The following GRM7 variants were observed in gnomAD, a reference collection of about 807,000 sequenced individuals.
The protein encoded by GRM7 is glutamate metabotropic receptor 7.
In GRM7, 35 loss-of-function variants were observed where a neutral mutation model predicts 84.5. The observed-to-expected ratio is 0.41, with a 90% CI of 0.32 to 0.55. GRM7 has a LOEUF of 0.55. Among genes scored for constraint, GRM7 ranks in the 20% least tolerant of loss-of-function variants. The pLI is 0.19. For synonymous variants in GRM7, 487 were observed against 455.1 expected (o/e 1.07, Z -0.89); for missense variants, 1,003 against 1,194.6 (o/e 0.84, Z 2.36).
At chr3:7,064,645 T>G (rs548795139) in intron 1 of GRM7, among the ~76,000 whole-genome samples, 4 of 151,140 alleles carry the variant, frequency 2.6e-5, no homozygotes, top group African/African-American at 9.7e-5. Context: ...TGAATTGTGC[T>G]GCTATAAACA....
chr3:7,578,038 G>A (rs1247724779), intron 7 of GRM7, among the ~76,000 whole-genome samples: 3 of 152,144 alleles, frequency 2.0e-5, no homozygotes, highest in African/African-American at 4.8e-5. Flanking sequence ...ATTACCCGGG[G>A]GGAAGACAGT....
chr3:7,130,968 C>A (rs79720950), intron 1 of GRM7, among the ~76,000 whole-genome samples: 1 of 152,110 alleles, frequency 6.6e-6, no homozygotes, highest in African/African-American at 2.4e-5. Flanking sequence ...CACGCACACA[C>A]GTGCGCAAGG....
chr3:6,885,147 G>A (rs62235361), intron 1 of GRM7, among the ~76,000 whole-genome samples: 11,926 of 152,196 alleles, frequency 0.078, 638 homozygotes, highest in Non-Finnish European at 0.12. Context: ...TAGCCCGAGA[G>A]GGTTCTTAGC....
At chr3:7,568,606 G>A (rs140444865) in intron 7 of GRM7, among the ~76,000 whole-genome samples, 7,315 of 152,290 alleles carry the variant, frequency 0.048, 243 homozygotes, top group Non-Finnish European at 0.077. Flanking sequence ...AGGGAGAGGC[G>A]CAAGCGGGAA....
At chr3:7,137,774 C>T (rs1693817384) in intron 1 of GRM7, among the ~76,000 whole-genome samples, 1 of 151,954 alleles carries the variant, frequency 6.6e-6, no homozygotes, top group Non-Finnish European at 1.5e-5. Flanking sequence ...GAAAAACCCA[C>T]ATAATGTCTT....
chr3:7,016,806 C>T (rs948884991), intron 1 of GRM7, among the ~76,000 whole-genome samples: 1 of 152,132 alleles, frequency 6.6e-6, no homozygotes, highest in African/African-American at 2.4e-5. Flanking sequence ...GTTTTAGAGA[C>T]AAAGAAACTG....
intron 4 of GRM7, among the ~76,000 whole-genome samples, chr3:7,400,117 A>T (rs569011464): frequency 1.3e-5 from 2 of 152,296 alleles, no homozygotes; most frequent in African/African-American, 4.8e-5. Flanking sequence ...ATAGGCTTTG[A>T]AGTAAACAGA....
At chr3:7,550,426 C>A (rs562917290) in intron 7 of GRM7, among the ~76,000 whole-genome samples, 119 of 145,908 alleles carry the variant, frequency 8.2e-4, no homozygotes, top group African/African-American at 2.9e-3. Flanking sequence ...CCCTCCCTCC[C>A]TCCCTCCCTT....
chr3:7,514,161 T>TGATTTTTATATCC (rs1211183772), intron 7 of GRM7, among the ~76,000 whole-genome samples: 1 of 152,250 alleles, frequency 6.6e-6, no homozygotes, highest in East Asian at 1.9e-4. Flanking sequence ...ACTACTAGTA[T>TGATTTTTATATCC]GATTTTTATA....
At chr3:7,467,787 T>G (rs1486591938) in intron 7 of GRM7, among the ~76,000 whole-genome samples, 4 of 152,130 alleles carry the variant, frequency 2.6e-5, no homozygotes, top group Non-Finnish European at 4.4e-5. Flanking sequence ...ACAATCTTAT[T>G]CACCATAGTA....
chr3:7,613,691 T>C (rs1353880417), intron 8 of GRM7, among the ~76,000 whole-genome samples: 1 of 152,152 alleles, frequency 6.6e-6, no homozygotes, highest in Non-Finnish European at 1.5e-5. Context: ...CTTAATTTCC[T>C]CTCTAAGGCC....
At chr3:7,719,158 T>C (rs1701858513) in intron 9 of GRM7, among the ~76,000 whole-genome samples, 1 of 152,086 alleles carries the variant, frequency 6.6e-6, no homozygotes, top group African/African-American at 2.4e-5. Context: ...AAATACAGTG[T>C]TTTTCTCCCT....
At chr3:7,596,015 G>A (rs143001450) in intron 8 of GRM7, among the ~76,000 whole-genome samples, 213 of 152,328 alleles carry the variant, frequency 1.4e-3, no homozygotes, top group Non-Finnish European at 2.7e-3. Flanking sequence ...GAAGCAGGAA[G>A]ATAAGCCAGG....
chr3:7,282,633 A>T (rs540532819), intron 2 of GRM7, among the ~76,000 whole-genome samples: 6 of 152,228 alleles, frequency 3.9e-5, no homozygotes, highest in Non-Finnish European at 7.3e-5. Flanking sequence ...AGTGGGCATC[A>T]TTAGGGTGCC....
chr3:7,553,738 CA>C (rs1405809884), intron 7 of GRM7, among the ~76,000 whole-genome samples: 1 of 152,160 alleles, frequency 6.6e-6, no homozygotes, highest in Non-Finnish European at 1.5e-5. Flanking sequence ...TGGGGGAAAT[CA>C]CCCTCTGATT....
chr3:6,953,636 C>G (rs1419042161), intron 1 of GRM7, among the ~76,000 whole-genome samples: 1 of 152,174 alleles, frequency 6.6e-6, no homozygotes, highest in Non-Finnish European at 1.5e-5. Flanking sequence ...AGCACAATCC[C>G]CACATTTGTA....
intron 1 of GRM7, among the ~76,000 whole-genome samples, chr3:7,062,725 T>C (rs756287008): frequency 6.6e-6 from 1 of 151,700 alleles, no homozygotes; most frequent in Admixed American, 6.6e-5. Flanking sequence ...TGTTAATTCA[T>C]GCAAAAATGG....
chr3:7,340,385 C>A (rs1051973390), intron 4 of GRM7, among the ~76,000 whole-genome samples: 1 of 152,124 alleles, frequency 6.6e-6, no homozygotes, highest in Admixed American at 6.6e-5. Context: ...GAAGCAGACA[C>A]ATCTTACATG....
chr3:7,099,320 T>C (rs1351410547), intron 1 of GRM7, among the ~76,000 whole-genome samples: 2 of 145,922 alleles, frequency 1.4e-5, no homozygotes, highest in Admixed American at 6.8e-5. Context: ...ATTATACATG[T>C]ATATATGTAC....
Sources: gnomAD v4.1 joint callset for allele counts (sites outside exome capture counted in the v4.1 genomes callset) on GRCh38, gnomAD v4.1.1 for gene constraint, MANE v1.5 for transcripts, NCBI Gene and HGNC (gene_info 2026-07-23, HGNC 2026-07-21) for gene names.